Variants in NCOA2 observed in about 807,000 individuals in gnomAD.
The protein encoded by NCOA2 is class E basic helix-loop-helix protein 75.
In NCOA2, 21 loss-of-function variants were observed where a neutral mutation model predicts 145.1. The ratio of observed to expected loss-of-function variants is 0.14; its 90% confidence interval spans 0.10 to 0.21. The LOEUF (loss-of-function observed/expected upper bound fraction) is 0.21, where lower values mean the gene tolerates loss of function less well. NCOA2 is among the 10% of genes least tolerant of loss of function. The pLI is 1.00. For synonymous variants in NCOA2, 619 were observed against 637.5 expected (o/e 0.97, Z 0.44); for missense variants, 1,472 against 1,837.6 (o/e 0.80, Z 3.64).
intron 2 of NCOA2, among the ~76,000 whole-genome samples, chr8:70,277,107 T>A (rs16936870): frequency 0.11 from 15,989 of 152,112 alleles, 1,282 homozygotes; most frequent in East Asian, 0.41. Flanking sequence ...AGCTCTTTAA[T>A]TTTTTTTCCC....
At position 70,111,019 on chromosome 8, in the gene NCOA2, T is replaced by C. The variant is rs1806490877; in HGVS notation, c.*2613A>G. 4.5e-6 allele frequency: 1 copy of C among 223,630 alleles called. No individual in the cohort carries two copies. Among genetic ancestry groups the C allele is most frequent in the African/African-American group, 2.2e-5 (1 of 44,848 alleles). 13.9% of individuals were successfully genotyped at this position (223,630 alleles called of 1,614,324 possible). A position where few individuals can be genotyped will look rare whatever the true frequency, so the allele number is the denominator to read the frequency against. On this transcript the variant is annotated 3_prime_UTR_variant, in exon 23 of 23. Transcript: ENST00000452400. ...ATAATGAAGGGAACTGATTTGGCTT[T>C]TGCTTCTATAGTGATCAATATGATC...
intron 5 of NCOA2, among the ~76,000 whole-genome samples, chr8:70,171,766 T>G (rs1814285081): frequency 1.3e-5 from 2 of 151,978 alleles, no homozygotes; most frequent in Admixed American, 1.3e-4. Context: ...GGGCTCAAGC[T>G]ATCCTCCCAC....
At chr8:70,358,060 A>G (rs1245945995) in intron 1 of NCOA2, among the ~76,000 whole-genome samples, 1 of 152,118 alleles carries the variant, frequency 6.6e-6, no homozygotes, top group Non-Finnish European at 1.5e-5. Flanking sequence ...CAAAAAAAAC[A>G]AAACAGAACA....
intron 15 of NCOA2, among the ~76,000 whole-genome samples, chr8:70,136,988 AAAC>A (rs1809806352): frequency 6.6e-6 from 1 of 152,260 alleles, no homozygotes; most frequent in Non-Finnish European, 1.5e-5. Flanking sequence ...ATGGTAACAG[AAAC>A]AACAACATGC....
chr8:70,375,745 C>T (rs1379883728), intron 1 of NCOA2, among the ~76,000 whole-genome samples: 2 of 152,062 alleles, frequency 1.3e-5, no homozygotes, highest in African/African-American at 2.4e-5. Context: ...ACTACCTTAC[C>T]GAACAGCATG....
chr8:70,430,118 G>T, the NCOA2 span, among the ~76,000 whole-genome samples: 1 of 152,290 alleles, frequency 6.6e-6, no homozygotes, highest in Non-Finnish European at 1.5e-5. Context: ...TTCCCAAAGT[G>T]CTAGGATTAC....
intron 1 of NCOA2, among the ~76,000 whole-genome samples, chr8:70,314,400 G>A (rs945461223): frequency 5.3e-5 from 8 of 151,792 alleles, no homozygotes; most frequent in African/African-American, 9.7e-5. Context: ...GCTAGATTAA[G>A]GAATTATGTC....
chr8:70,192,084 A>G (rs1816756775), intron 4 of NCOA2, among the ~76,000 whole-genome samples: 1 of 152,166 alleles, frequency 6.6e-6, no homozygotes. Context: ...AAAAGACTGA[A>G]GACAACATGG....
intron 1 of NCOA2, among the ~76,000 whole-genome samples, chr8:70,334,171 C>G (rs1465447604): frequency 6.6e-6 from 1 of 152,156 alleles, no homozygotes; most frequent in African/African-American, 2.4e-5. Context: ...AAATTTATAT[C>G]CTCCTTATTT....
intron 2 of NCOA2, among the ~76,000 whole-genome samples, chr8:70,243,579 G>T (rs1822343592): frequency 6.6e-6 from 1 of 151,522 alleles, no homozygotes; most frequent in Non-Finnish European, 1.5e-5. Flanking sequence ...GCTTAGATAA[G>T]GTAACAAAAT....
At chr8:70,239,698 G>A (rs1157705950) in intron 2 of NCOA2, among the ~76,000 whole-genome samples, 1 of 152,186 alleles carries the variant, frequency 6.6e-6, no homozygotes, top group African/African-American at 2.4e-5. Flanking sequence ...AGACAATGGT[G>A]ATTGGTTGGC....
intron 2 of NCOA2, among the ~76,000 whole-genome samples, chr8:70,256,152 G>A (rs752227717): frequency 2.0e-5 from 3 of 152,140 alleles, no homozygotes; most frequent in Non-Finnish European, 4.4e-5. Context: ...AGCAAGAGGG[G>A]AAGGTTTCCA....
chr8:70,303,526 G>C (rs148089021), intron 1 of NCOA2, among the ~76,000 whole-genome samples: 12 of 152,284 alleles, frequency 7.9e-5, no homozygotes, highest in African/African-American at 2.6e-4. Flanking sequence ...AATCAGGCTA[G>C]AGAAGGTTGA....
At chr8:70,161,526 A>AG (rs1316019237) in intron 9 of NCOA2, among the ~76,000 whole-genome samples, 1 of 152,158 alleles carries the variant, frequency 6.6e-6, no homozygotes, top group Admixed American at 6.5e-5. Flanking sequence ...GAATAAGATG[A>AG]GGGGAAAAAA....
chr8:70,127,696 A>T (rs530011027), intron 18 of NCOA2, among the ~76,000 whole-genome samples: 34 of 152,256 alleles, frequency 2.2e-4, no homozygotes, highest in East Asian at 3.9e-4. Context: ...TACTCAGTAA[A>T]ATTTATTTGT....
rs1222671757 is a variant in NCOA2 at position 70,216,841 on chromosome 8, A to G, written c.-19-77T>C. 5.4e-6 allele frequency: 5 copies of G among 928,778 alleles called. No individual in the cohort carries two copies. In the East Asian group the frequency reaches 1.2e-4, roughly 22 times the overall value. 57.5% of individuals were successfully genotyped at this position (928,778 alleles called of 1,614,324 possible). On this transcript the variant is annotated intron_variant, in intron 2 of 22. Transcript: ENST00000452400. ...GAAGTGTCTGATCATTTTACCAACA[A>G]TAAAAGAATTTTGACTCCAATCAGA...
chr8:70,451,199 C>T, the NCOA2 span, among the ~76,000 whole-genome samples: 1 of 100,732 alleles, frequency 9.9e-6, no homozygotes, highest in Admixed American at 1.3e-4. Flanking sequence ...GTCTGGGGGA[C>T]AGAGCAAGAC....
At chr8:70,413,751 T>C in the NCOA2 span, among the ~76,000 whole-genome samples, 2 of 152,238 alleles carry the variant, frequency 1.3e-5, no homozygotes, top group Non-Finnish European at 2.9e-5. Flanking sequence ...AGTCAATCAA[T>C]GTTATACTTT....
chr8:70,145,645 G>C (rs1286864634), intron 12 of NCOA2, among the ~76,000 whole-genome samples: 3 of 141,722 alleles, frequency 2.1e-5, no homozygotes, highest in Non-Finnish European at 4.6e-5. Context: ...TTAATACAGG[G>C]TCTCACTCTG....
Sources: gnomAD v4.1 joint callset for allele counts (sites outside exome capture counted in the v4.1 genomes callset) on GRCh38, gnomAD v4.1.1 for gene constraint, MANE v1.5 for transcripts, NCBI Gene and HGNC (gene_info 2026-07-23, HGNC 2026-07-21) for gene names.